CNTNAP2: variants seen among roughly 807,000 people sequenced by gnomAD.
CNTNAP2 encodes contactin associated protein 2, also known as contactin-associated protein-like 2.
CNTNAP2 carries 98 observed loss-of-function variants against 155.2 expected under a neutral mutation model. That is an observed-to-expected ratio of 0.63 (90% CI 0.54 to 0.75). The LOEUF (loss-of-function observed/expected upper bound fraction) is 0.75. CNTNAP2 is among the 30% of genes least tolerant of loss of function. The pLI, the probability that CNTNAP2 is intolerant of heterozygous loss-of-function variation, is 0.00. For missense variants in CNTNAP2, 1,727 were observed against 1,688.1 expected (o/e 1.02, Z -0.40); for synonymous variants, 651 against 631.2 (o/e 1.03, Z -0.47).
chr7:148,309,184 A>G (rs191920206), intron 21 of CNTNAP2, among the ~76,000 whole-genome samples: 106 of 152,294 alleles, frequency 7.0e-4, no homozygotes, highest in African/African-American at 2.5e-3. Flanking sequence ...ATTCTTCTCT[A>G]TACAGGGAAA....
chr7:147,909,304 T>C (rs1425930641), intron 14 of CNTNAP2, among the ~76,000 whole-genome samples: 1 of 152,190 alleles, frequency 6.6e-6, no homozygotes, highest in Admixed American at 6.6e-5. Flanking sequence ...AACTAGCTTA[T>C]ATGTAAGCTT....
At chr7:148,332,862 T>C (rs975306254) in intron 21 of CNTNAP2, among the ~76,000 whole-genome samples, 4 of 152,158 alleles carry the variant, frequency 2.6e-5, no homozygotes, top group Non-Finnish European at 5.9e-5. Flanking sequence ...CATTTTACTA[T>C]AAATCTGCAA....
chr7:147,476,560 T>G (rs1798323768), intron 10 of CNTNAP2, among the ~76,000 whole-genome samples: 1 of 152,148 alleles, frequency 6.6e-6, no homozygotes, highest in Admixed American at 6.5e-5. Context: ...TACATCTCAC[T>G]ATATACTCTC....
At chr7:146,941,641 T>A (rs926893030) in intron 3 of CNTNAP2, among the ~76,000 whole-genome samples, 2 of 152,190 alleles carry the variant, frequency 1.3e-5, no homozygotes, top group Non-Finnish European at 2.9e-5. Context: ...TTTCAACTCA[T>A]AGAACCCTCT....
intron 15 of CNTNAP2, among the ~76,000 whole-genome samples, chr7:148,029,634 G>A (rs1802436346): frequency 6.6e-6 from 1 of 152,182 alleles, no homozygotes; most frequent in South Asian, 2.1e-4. Context: ...ATAAATATCA[G>A]CATAGCATCC....
chr7:146,322,967 A>G (rs554811192), intron 1 of CNTNAP2, among the ~76,000 whole-genome samples: 12 of 152,132 alleles, frequency 7.9e-5, no homozygotes, highest in Admixed American at 3.9e-4. Flanking sequence ...TATCTTTCAG[A>G]TAATATAGCA....
At chr7:146,552,046 G>C (rs1309582081) in intron 1 of CNTNAP2, among the ~76,000 whole-genome samples, 1 of 152,002 alleles carries the variant, frequency 6.6e-6, no homozygotes, top group African/African-American at 2.4e-5. Flanking sequence ...ACTGATATAA[G>C]CTGGGCTCAT....
intron 12 of CNTNAP2, among the ~76,000 whole-genome samples, chr7:147,585,341 C>A (rs1800596730): frequency 6.6e-6 from 1 of 150,968 alleles, no homozygotes; most frequent in South Asian, 2.1e-4. Context: ...CAATAAATAT[C>A]ATTACTATGA....
chr7:146,896,650 A>C (rs1795883734), intron 3 of CNTNAP2, among the ~76,000 whole-genome samples: 1 of 152,068 alleles, frequency 6.6e-6, no homozygotes, highest in African/African-American at 2.4e-5. Context: ...TTTTAATGGC[A>C]AAACCCACAA....
At chr7:147,926,453 C>T (rs1394501869) in intron 14 of CNTNAP2, among the ~76,000 whole-genome samples, 1 of 152,170 alleles carries the variant, frequency 6.6e-6, no homozygotes, top group Admixed American at 6.5e-5. Context: ...TTGATTTATG[C>T]TTTTAATACC....
chr7:147,232,414 G>A (rs1803701529), intron 8 of CNTNAP2, among the ~76,000 whole-genome samples: 1 of 152,178 alleles, frequency 6.6e-6, no homozygotes, highest in Non-Finnish European at 1.5e-5. Flanking sequence ...AAAGCTGGAG[G>A]CATCACAGTC....
At chr7:148,139,676 A>G (rs1805022056) in intron 16 of CNTNAP2, among the ~76,000 whole-genome samples, 1 of 151,992 alleles carries the variant, frequency 6.6e-6, no homozygotes, top group African/African-American at 2.4e-5. Flanking sequence ...AGTAGCTGGG[A>G]TTACAGGCAC....
At chr7:147,112,632 TG>T in intron 5 of CNTNAP2, among the ~76,000 whole-genome samples, 1 of 152,320 alleles carries the variant, frequency 6.6e-6, no homozygotes, top group South Asian at 2.1e-4. Context: ...GATAATCATG[TG>T]GTTTTTGTCT....
At chr7:146,732,731 A>G (rs1801547296) in intron 1 of CNTNAP2, among the ~76,000 whole-genome samples, 1 of 152,100 alleles carries the variant, frequency 6.6e-6, no homozygotes, top group Non-Finnish European at 1.5e-5. Flanking sequence ...CCAAAATCGG[A>G]TGCTTCAGTT....
chr7:146,451,880 C>CATAT lies in CNTNAP2; in HGVS notation c.98-322390_98-322389insTATA, dbSNP rs71175650. Among the ~76,000 whole-genome samples the CATAT allele has an allele frequency of 3.8e-5, 4 of 106,224 alleles. No homozygotes were observed. The African/African-American group carries it at 3.9e-4, about 10-fold the overall frequency. The allele number at this position is 106,224 out of a possible 152,430, so 69.7% of individuals were successfully genotyped here. ...CTATATATATATATACGTATATATACACATATACATATATTTATTTATTTA... is the reference window on the plus strand; with the variant it reads ...CTATATATATATATACGTATATATACATATACATATACATATATTTATTTATTTA... On this transcript the variant is annotated intron_variant, in intron 1 of 23. Coordinates refer to ENST00000361727, the MANE Select transcript of CNTNAP2 (RefSeq NM_014141.6).
chr7:146,823,375 G>T (rs1353874686), intron 2 of CNTNAP2, among the ~76,000 whole-genome samples: 1 of 135,664 alleles, frequency 7.4e-6, no homozygotes, highest in African/African-American at 2.8e-5. Flanking sequence ...ATATTTCCAT[G>T]TAAATATACT....
chr7:147,815,380 T>C (rs1276708304), intron 13 of CNTNAP2, among the ~76,000 whole-genome samples: 3 of 152,208 alleles, frequency 2.0e-5, no homozygotes, highest in African/African-American at 7.2e-5. Context: ...TCCAGTTCCA[T>C]GTGACCATAG....
rs1397913554 is a variant in CNTNAP2 at position 146,721,308 on chromosome 7, CTA to C, written c.98-52955_98-52954del. On this transcript the variant is annotated intron_variant, in intron 1 of 23. Transcript: ENST00000361727. ...TCTATATATATTCTATATATGTATT[CTA>C]TATATATTCTATATATACATTCTAT... is the stretch of plus-strand genomic sequence containing the variant. 1.6e-5 allele frequency among the ~76,000 whole-genome samples: 2 copies of C among 128,172 alleles called. 1 individual carries two copies. The highest frequency in any genetic ancestry group is 4.5e-4 in the East Asian group (2 of 4,408). The allele number at this position is 128,172 out of a possible 152,430, so 84.1% of individuals were successfully genotyped here. A position where few individuals can be genotyped will look rare whatever the true frequency, so the allele number is the denominator to read the frequency against.
At chr7:147,928,516 G>A (rs1031574513) in intron 14 of CNTNAP2, among the ~76,000 whole-genome samples, 12 of 152,206 alleles carry the variant, frequency 7.9e-5, no homozygotes, top group Admixed American at 2.6e-4. Context: ...ACTTTAAAGC[G>A]ATGAATTGTC....
Sources: allele counts gnomAD v4.1 joint callset (sites outside exome capture counted in the v4.1 genomes callset), GRCh38; gene constraint gnomAD v4.1.1; transcripts MANE v1.5; gene names NCBI Gene and HGNC (gene_info 2026-07-23, HGNC 2026-07-21).